The following ANXA3 variants were observed in gnomAD, a reference collection of about 807,000 sequenced individuals.
ANXA3 encodes the protein annexin A3.
Under a neutral mutation model 48.8 loss-of-function variants are expected in ANXA3, and 46 were observed. The observed-to-expected ratio is 0.94, with a 90% CI of 0.74 to 1.21. The LOEUF (loss-of-function observed/expected upper bound fraction) is 1.21. Ranked by LOEUF, ANXA3 falls within the 50% of genes most tolerant of loss-of-function variation. ANXA3 has a pLI of 0.00. For synonymous variants in ANXA3, 128 were observed against 134.7 expected, an observed-to-expected ratio of 0.95 and a Z score of 0.35; for missense variants, 383 against 378.6, an observed-to-expected ratio of 1.01 and a Z score of -0.10.
chr4:78,558,528 AG>A (rs1722563570), intron 2 of ANXA3, among the ~76,000 whole-genome samples: 1 of 152,200 alleles, frequency 6.6e-6, no homozygotes, highest in Non-Finnish European at 1.5e-5. Context: ...GTGTATGATT[AG>A]TTTATTACAG....
chr4:78,555,260 G>T (rs1398421477), intron 2 of ANXA3, among the ~76,000 whole-genome samples: 3 of 152,098 alleles, frequency 2.0e-5, no homozygotes, highest in Non-Finnish European at 4.4e-5. Context: ...TTCTTGGAGT[G>T]GGGAAGATGC....
At chr4:78,573,651 TG>T (rs1263874951) in intron 3 of ANXA3, among the ~76,000 whole-genome samples, 1 of 152,024 alleles carries the variant, frequency 6.6e-6, no homozygotes, top group Admixed American at 6.6e-5. Flanking sequence ...GGAGTGTGAG[TG>T]TACTCAAGAG....
In ANXA3 at chr4:78,591,559, T is replaced by C. The variant is rs1217954037; in HGVS notation, c.419T>C (p.Leu140Pro). 1 of 1,612,984 alleles carries C rather than the reference T, an allele frequency of 6.2e-7. No individual in the cohort carries two copies. The highest frequency in any genetic ancestry group is 8.5e-7 in the Non-Finnish European group (1 of 1,179,054). Reference protein sequence around the residue: ...QAYYTVYKKSLGDDISSETSG... With the variant: ...QAYYTVYKKSPGDDISSETSG... ...TTGGTTTCAGTATACAAGAAGAGTCTTGGAGATGACATTAGTTCCGAAACA... is the reference window on the plus strand; with the variant it reads ...TTGGTTTCAGTATACAAGAAGAGTCCTGGAGATGACATTAGTTCCGAAACA... Residue 140 changes from leucine to proline, a missense_variant, in exon 7 of 13, where the codon CTT becomes CCT. Physicochemically the swap from Leu to Pro is moderately conservative, Grantham distance 98. Coordinates refer to ENST00000264908, the MANE Select transcript of ANXA3 (RefSeq NM_005139.3).
At chr4:78,566,007 G>A (rs1297317342) in intron 2 of ANXA3, among the ~76,000 whole-genome samples, 3 of 152,142 alleles carry the variant, frequency 2.0e-5, no homozygotes, top group Non-Finnish European at 2.9e-5. Flanking sequence ...CAGGATTAGA[G>A]GGAAAGAAAA....
chr4:78,583,522 G>A (rs1723115565), intron 5 of ANXA3, among the ~76,000 whole-genome samples: 1 of 151,972 alleles, frequency 6.6e-6, no homozygotes, highest in Non-Finnish European at 1.5e-5. Context: ...TATTTGGGAG[G>A]CTGAGGTGGG....
intron 5 of ANXA3, among the ~76,000 whole-genome samples, chr4:78,583,922 T>A (rs1476782043): frequency 1.3e-5 from 2 of 152,206 alleles, no homozygotes; most frequent in Non-Finnish European, 2.9e-5. Context: ...TAGATTAGTG[T>A]TTGATTGAAT....
chr4:78,593,112 ACC>A lies in ANXA3; in HGVS notation c.483+1490_483+1491del, dbSNP rs1723334559. On this transcript the variant is annotated intron_variant, in intron 7 of 12. Coordinates refer to ENST00000264908, the MANE Select transcript of ANXA3 (RefSeq NM_005139.3). The stretch of plus-strand genomic sequence containing the variant: ...TAAGTATTTGTACATGAACACACAT[ACC>A]ACACACACACACACACACACACACA... Among the ~76,000 whole-genome samples the A allele has an allele frequency of 4.6e-5, 3 of 64,578 alleles. No individual in the cohort carries two copies. The South Asian group carries it at 1.9e-3, about 41-fold the overall frequency. The allele number at this position is 64,578 out of a possible 152,430, so 42.4% of individuals were successfully genotyped here.
At chr4:78,560,272 T>C (rs1201217027) in intron 2 of ANXA3, among the ~76,000 whole-genome samples, 1 of 152,198 alleles carries the variant, frequency 6.6e-6, no homozygotes, top group East Asian at 1.9e-4. Flanking sequence ...AAAACTGCCC[T>C]CACTTCAGAT....
intron 3 of ANXA3, among the ~76,000 whole-genome samples, chr4:78,575,764 C>T (rs1425579314): frequency 6.6e-6 from 1 of 151,996 alleles, no homozygotes; most frequent in African/African-American, 2.4e-5. Flanking sequence ...TATTTTTGTC[C>T]AGGATTTATG....
chr4:78,607,981 C>T (rs1225817752), intron 12 of ANXA3, among the ~76,000 whole-genome samples: 1 of 152,048 alleles, frequency 6.6e-6, no homozygotes, highest in African/African-American at 2.4e-5. Context: ...GAGGGTCTAC[C>T]TTGGGGAATA....
chr4:78,605,867 T>C (rs1723636138), intron 12 of ANXA3, among the ~76,000 whole-genome samples: 1 of 152,242 alleles, frequency 6.6e-6, no homozygotes, highest in Admixed American at 6.5e-5. Flanking sequence ...GGTTCAAAAG[T>C]CATAGTCCCA....
At chr4:78,586,377 C>A (rs1297636003) in intron 6 of ANXA3, 27 bp downstream of exon 6, 21 of 1,517,860 alleles carry the variant, frequency 1.4e-5, no homozygotes, top group Non-Finnish European at 1.8e-5. Flanking sequence ...TTACCTTCAC[C>A]ACTGTTCACA....
At chr4:78,586,171 T>C in intron 5 of ANXA3, 89 bp from the exon 6 acceptor site, 1 of 889,966 alleles carries the variant, frequency 1.1e-6, no homozygotes, top group Non-Finnish European at 1.7e-6. Flanking sequence ...AAGTGTCCTT[T>C]CATCTATATA....
chr4:78,585,472 A>G (rs1047183694), intron 5 of ANXA3, among the ~76,000 whole-genome samples: 5 of 152,360 alleles, frequency 3.3e-5, no homozygotes, highest in East Asian at 3.9e-4. Flanking sequence ...GAGCATACAT[A>G]TGGTACTTCT....
At chr4:78,554,402 T>C in intron 1 of ANXA3, 34 bp from the exon 2 acceptor site, 1 of 1,370,302 alleles carries the variant, frequency 7.3e-7, no homozygotes, top group Non-Finnish European at 1.0e-6. Flanking sequence ...GAATCACATA[T>C]TGATACCATT....
At chr4:78,609,151 T>C (rs1156649326) in intron 12 of ANXA3, among the ~76,000 whole-genome samples, 8 of 152,202 alleles carry the variant, frequency 5.3e-5, no homozygotes, top group Admixed American at 4.6e-4. Flanking sequence ...ACTATGAAAG[T>C]AATGCTTAAC....
chr4:78,590,160 A>G (rs1457952995), intron 6 of ANXA3, among the ~76,000 whole-genome samples: 1 of 152,206 alleles, frequency 6.6e-6, no homozygotes, highest in Non-Finnish European at 1.5e-5. Context: ...GTTCTAAGAA[A>G]TGGGATATTC....
chr4:78,561,838 G>T (rs1722633576), intron 2 of ANXA3, among the ~76,000 whole-genome samples: 1 of 152,086 alleles, frequency 6.6e-6, no homozygotes, highest in African/African-American at 2.4e-5. Context: ...ATACACAAAT[G>T]GTCTTTTGCA....
intron 12 of ANXA3, among the ~76,000 whole-genome samples, chr4:78,608,148 AT>A (rs960552345): frequency 6.6e-6 from 1 of 152,124 alleles, no homozygotes; most frequent in Non-Finnish European, 1.5e-5. Context: ...GGGGGAAGAC[AT>A]TTTCTGCCCT....
Sources: allele counts gnomAD v4.1 joint callset (sites outside exome capture counted in the v4.1 genomes callset), GRCh38; gene constraint gnomAD v4.1.1; transcripts MANE v1.5; gene names NCBI Gene and HGNC (gene_info 2026-07-23, HGNC 2026-07-21).